NPIPB11: variants seen among roughly 807,000 people sequenced by gnomAD.
The protein encoded by NPIPB11 is nuclear pore complex interacting protein family member B11, also known as nuclear pore complex-interacting protein family member B11.
NPIPB11 carries 17 observed loss-of-function variants against 32.8 expected under a neutral mutation model. That is an observed-to-expected ratio of 0.52 (90% confidence interval 0.35 to 0.78). The LOEUF (loss-of-function observed/expected upper bound fraction) is 0.78. NPIPB11 is among the 30% of genes least tolerant of loss of function. The pLI is 0.01. For synonymous variants in NPIPB11, 209 were observed against 398.4 expected, an observed-to-expected ratio of 0.52 and a Z score of 5.66; for missense variants, 537 against 1,000.4, an observed-to-expected ratio of 0.54 and a Z score of 6.25.
chr16:29,406,392 C>A (rs1305667563), upstream of NPIPB11, among the ~76,000 whole-genome samples: 6 of 152,330 alleles, frequency 3.9e-5, no homozygotes, highest in Admixed American at 6.5e-5. Context: ...GATAGTTATG[C>A]TAAATGTTTG....
intron 2 of NPIPB11, among the ~76,000 whole-genome samples, chr16:29,401,465 A>G (rs4017134): frequency 3.2e-4 from 49 of 152,160 alleles, no homozygotes; most frequent in Middle Eastern, 3.4e-3. Context: ...GATTTTGTGC[A>G]GCTCTGGGAC....
chr16:29,392,576 G>A lies in NPIPB11; in HGVS notation c.249+1372C>T, dbSNP rs1346366515. 2.6e-5 allele frequency among the ~76,000 whole-genome samples: 4 copies of A among 151,186 alleles called. No homozygotes were observed. The South Asian group carries it at 6.3e-4, about 24-fold the overall frequency. Reference sequence around the variant, plus strand: ...AATACAAAAATTTGCTGGGCATGGTGGTGGGCACCTGTAATCCCAGCTACT... The same window carrying A: ...AATACAAAAATTTGCTGGGCATGGTAGTGGGCACCTGTAATCCCAGCTACT... On this transcript the variant is annotated intron_variant, in intron 3 of 7. Transcript: ENST00000524087.
At chr16:29,401,220 G>C (rs1384033280) in intron 2 of NPIPB11, among the ~76,000 whole-genome samples, 1 of 152,068 alleles carries the variant, frequency 6.6e-6, no homozygotes, top group African/African-American at 2.4e-5. Context: ...AGACTTGCAG[G>C]AAAAATAGTG....
chr16:29,390,890 C>T (rs2142125355), intron 3 of NPIPB11, among the ~76,000 whole-genome samples: 1 of 141,498 alleles, frequency 7.1e-6, no homozygotes, highest in South Asian at 2.2e-4. Flanking sequence ...TTGAACCCAG[C>T]AGGAAAAGGT....
At chr16:29,391,821 A>G (rs1963729981) in intron 3 of NPIPB11, among the ~76,000 whole-genome samples, 1 of 152,010 alleles carries the variant, frequency 6.6e-6, no homozygotes, top group South Asian at 2.1e-4. Context: ...CCCAGATTCA[A>G]GCGATTCTTG....
chr16:29,405,922 A>T (rs1401667482), upstream of NPIPB11, among the ~76,000 whole-genome samples: 9 of 152,266 alleles, frequency 5.9e-5, no homozygotes, highest in Non-Finnish European at 1.5e-5. Context: ...CCTTTTGATC[A>T]CTTAGCAAAT....
At chr16:29,395,919 A>G (rs910452881) in intron 2 of NPIPB11, among the ~76,000 whole-genome samples, 2,745 of 151,484 alleles carry the variant, frequency 0.018, 32 homozygotes, top group Non-Finnish European at 0.029. Context: ...CAGAGGTTGC[A>G]GTGAGCCGAG....
In NPIPB11 at chr16:29,383,114, G is replaced by C. The variant is rs765197800; in HGVS notation, c.1818C>G (p.Ser606Arg). 10 of 1,595,648 alleles carry C rather than the reference G, an allele frequency of 6.3e-6. No individual in the cohort carries two copies. The South Asian group carries it at 8.9e-5, about 14-fold the overall frequency. Residue 606 changes from serine to arginine, a missense_variant, in exon 8 of 8, where the codon AGC becomes AGG. Transcript: ENST00000524087. ...GGAGCTGAGGGTGGAAGGGGAGTGA[G>C]CTGACGCTCGGAAGGTCTCTTGAGA...
intron 2 of NPIPB11, among the ~76,000 whole-genome samples, chr16:29,395,718 G>A (rs1238758507): frequency 3.3e-5 from 5 of 151,048 alleles, no homozygotes; most frequent in Non-Finnish European, 5.9e-5. Context: ...GGTGGCTCAC[G>A]CCTGCAATCC....
At chr16:29,400,765 C>G (rs1470519430) in intron 2 of NPIPB11, among the ~76,000 whole-genome samples, 1 of 152,112 alleles carries the variant, frequency 6.6e-6, no homozygotes, top group Non-Finnish European at 1.5e-5. Flanking sequence ...GGCATTGGGC[C>G]TAGGCTGGGA....
intron 2 of NPIPB11, among the ~76,000 whole-genome samples, chr16:29,401,840 C>T (rs1219142700): frequency 3.3e-5 from 5 of 151,868 alleles, no homozygotes; most frequent in African/African-American, 9.7e-5. Context: ...ATGTGGGGCA[C>T]AGGGCACAGG....
exon 5 of NPIPB11, chr16:29,389,951 C>T (rs564282233): frequency 3.8e-5 from 61 of 1,591,142 alleles, no homozygotes; most frequent in East Asian, 8.9e-5. Flanking sequence ...TGTTTTCTGG[C>T]GGTCTTCCTC....
intron 2 of NPIPB11, among the ~76,000 whole-genome samples, chr16:29,402,724 C>CTCTCTGTGTGTGTG (rs1449821025): frequency 2.3e-4 from 27 of 119,670 alleles, no homozygotes; most frequent in East Asian, 2.0e-3. Flanking sequence ...CTCTCTCTCT[C>CTCTCTGTGTGTGTG]TGTGTGTGTG....
In NPIPB11 at chr16:29,397,682, G is replaced by C. The variant is rs1963892979; in HGVS notation, c.121-3606C>G. 40 of 1,081,430 alleles carry C rather than the reference G, an allele frequency of 3.7e-5. No individual in the cohort carries two copies. The South Asian group carries it at 5.0e-4, about 14-fold the overall frequency. The allele number at this position is 1,081,430 out of a possible 1,614,324, so 67.0% of individuals were successfully genotyped here. On this transcript the variant is annotated intron_variant, in intron 2 of 7. Transcript: ENST00000524087. Reference sequence around the variant, plus strand: ...AGGGCGCCCTGAGGCGTCCAGGACAGAGGTGGAGGTGGCTTAGGGCAGGGG... The same window carrying C: ...AGGGCGCCCTGAGGCGTCCAGGACACAGGTGGAGGTGGCTTAGGGCAGGGG...
At position 29,393,931 on chromosome 16, in the gene NPIPB11, A is replaced by G. The variant is rs758733126; in HGVS notation, c.249+17T>C. 4 of 1,558,126 alleles carry G rather than the reference A, an allele frequency of 2.6e-6. No homozygotes were observed. The highest frequency in any genetic ancestry group is 3.5e-6 in the Non-Finnish European group (4 of 1,155,928). ...TGTGATTACAAGTATACCTCTACAG[A>G]AAGTTAGTATACTCACCCAAAGGTA... On this transcript the variant is annotated intron_variant, in intron 3 of 7. Transcript: ENST00000524087.
chr16:29,405,355 G>A (rs1029419615), upstream of NPIPB11, among the ~76,000 whole-genome samples: 9 of 151,870 alleles, frequency 5.9e-5, no homozygotes, highest in South Asian at 4.2e-4. Flanking sequence ...AGCCTACTAC[G>A]TGCCAGCCAT....
intron 5 of NPIPB11, among the ~76,000 whole-genome samples, chr16:29,389,142 C>T (rs1326382499): frequency 1.3e-5 from 2 of 148,600 alleles, no homozygotes; most frequent in Admixed American, 6.8e-5. Flanking sequence ...TTGCAGTGAG[C>T]CAAGATCATG....
chr16:29,406,614 T>C (rs949147279), upstream of NPIPB11, among the ~76,000 whole-genome samples: 1 of 151,996 alleles, frequency 6.6e-6, no homozygotes, highest in East Asian at 1.9e-4. Flanking sequence ...CTCGGGAGGC[T>C]GAGACAGGAG....
intron 3 of NPIPB11, among the ~76,000 whole-genome samples, chr16:29,392,003 G>A (rs1311899060): frequency 1.3e-5 from 2 of 152,062 alleles, no homozygotes; most frequent in African/African-American, 2.4e-5. Flanking sequence ...TTACAGGCAT[G>A]AGCCACCACA....
Sources: gnomAD v4.1 joint callset for allele counts (sites outside exome capture counted in the v4.1 genomes callset) on GRCh38, gnomAD v4.1.1 for gene constraint, MANE v1.5 for transcripts, NCBI Gene and HGNC (gene_info 2026-07-23, HGNC 2026-07-21) for gene names.